Variants in KCNMA1 observed in about 807,000 individuals in gnomAD.
KCNMA1 encodes the protein potassium calcium-activated channel subfamily M alpha 1, also known as Calcium-activated potassium channel subunit alpha-1.
A neutral mutation model predicts 140.0 loss-of-function variants in KCNMA1; 29 were observed. That is an observed-to-expected ratio of 0.21 (90% CI 0.15 to 0.28). The LOEUF is 0.28. Ranked by LOEUF, KCNMA1 falls within the 10% of genes least tolerant of loss-of-function variation. The pLI is 1.00. For synonymous variants in KCNMA1, 612 were observed against 611.9 expected (o/e 1.00, Z 0.00); for missense variants, 880 against 1,602.2 (o/e 0.55, Z 7.70).
intron 20 of KCNMA1, among the ~76,000 whole-genome samples, chr10:76,961,183 GGGA>G (rs1438285879): frequency 6.6e-6 from 1 of 151,284 alleles, no homozygotes; most frequent in African/African-American, 2.4e-5. Context: ...CGTGATTCAT[GGGA>G]GGAGGTGAAA....
chr10:77,145,258 G>T (rs1233612802), intron 5 of KCNMA1, among the ~76,000 whole-genome samples: 1 of 152,118 alleles, frequency 6.6e-6, no homozygotes, highest in Non-Finnish European at 1.5e-5. Flanking sequence ...TTCCAACCCT[G>T]CCTCAAGTCT....
At chr10:77,100,251 C>T (rs1306483738) in intron 9 of KCNMA1, among the ~76,000 whole-genome samples, 1 of 152,158 alleles carries the variant, frequency 6.6e-6, no homozygotes. Flanking sequence ...TTTCCTAAGG[C>T]TGTTCTATAC....
rs545696225 is a variant in KCNMA1 at position 77,336,431 on chromosome 10, TA to T, written c.540+67430del. Among the ~76,000 whole-genome samples the T allele has an allele frequency of 3.1e-3, 375 of 119,750 alleles. 1 individual carries two copies. Among genetic ancestry groups the T allele is most frequent in the East Asian group, 7.1e-3 (31 of 4,384 alleles). The allele number at this position is 119,750 out of a possible 152,430, so 78.6% of individuals were successfully genotyped here. A position where few individuals can be genotyped will look rare whatever the true frequency, so the allele number is the denominator to read the frequency against. The stretch of plus-strand genomic sequence containing the variant: ...AGTAGTGAAAAATTAACTCAATGCT[TA>T]AAAAAAAAAAAGAAGATGAATGCAA... On this transcript the variant is annotated intron_variant, in intron 2 of 27. Transcript: ENST00000286628.
chr10:77,165,929 C>A (rs1304154639), intron 5 of KCNMA1, among the ~76,000 whole-genome samples: 1 of 152,172 alleles, frequency 6.6e-6, no homozygotes. Flanking sequence ...CACTAGGTGG[C>A]AGCACGTCAC....
chr10:76,992,097 C>T (rs573339310), intron 19 of KCNMA1, among the ~76,000 whole-genome samples: 49 of 152,230 alleles, frequency 3.2e-4, no homozygotes, highest in African/African-American at 1.1e-3. Context: ...ACTCATCTTG[C>T]GGTATTGAAG....
At chr10:77,311,367 C>T (rs984982916) in intron 2 of KCNMA1, among the ~76,000 whole-genome samples, 2 of 152,126 alleles carry the variant, frequency 1.3e-5, no homozygotes, top group Admixed American at 1.3e-4. Context: ...ATACTATAGG[C>T]TTGTTTCCAT....
chr10:77,233,774 C>A (rs1480264369), intron 3 of KCNMA1, among the ~76,000 whole-genome samples: 3 of 152,186 alleles, frequency 2.0e-5, no homozygotes, highest in Non-Finnish European at 4.4e-5. Context: ...ATTCGGAGGA[C>A]CGAAACAGCT....
chr10:77,051,482 TA>T (rs149487193), intron 14 of KCNMA1, among the ~76,000 whole-genome samples: 1,612 of 152,306 alleles, frequency 0.011, 14 homozygotes, highest in African/African-American at 0.037. Context: ...TCTTGTCAGT[TA>T]GAGAATATTT....
At position 77,019,002 on chromosome 10, in the gene KCNMA1, T is replaced by A; in HGVS notation, c.2015+11A>T. The stretch of plus-strand genomic sequence containing the variant: ...GGCCAGAAAGAAAGCCAGTTGAAAA[T>A]AAACTCTTACCTTTTAACTTCTTTG... On this transcript the variant is annotated intron_variant, in intron 17 of 27. Transcript: ENST00000286628. 1 of 1,498,302 alleles carries A rather than the reference T, an allele frequency of 6.7e-7. No individual in the cohort carries two copies. The highest frequency in any genetic ancestry group is 1.4e-5 in the African/African-American group (1 of 72,636). The allele number at this position is 1,498,302 out of a possible 1,614,324, so 92.8% of individuals were successfully genotyped here.
Position 77,108,201 on chromosome 10 carries a change from T to G in KCNMA1, c.1223+280A>C. 1 of 1,080,808 alleles carries G rather than the reference T, an allele frequency of 9.3e-7. No individual in the cohort carries two copies. The allele number at this position is 1,080,808 out of a possible 1,614,324, so 67.0% of individuals were successfully genotyped here. ...CCCTCACAGAAGCACCCGGTGGGGTTGGGGAGGGGCAGAATTCAGATGGCA... is the reference window on the plus strand; with the variant it reads ...CCCTCACAGAAGCACCCGGTGGGGTGGGGGAGGGGCAGAATTCAGATGGCA... On this transcript the variant is annotated intron_variant, in intron 9 of 27. Coordinates refer to ENST00000286628, the MANE Select transcript of KCNMA1 (RefSeq NM_001161352.2). This position sits in a 1 kb window ranked among gnomAD's most constrained non-coding sequence, Gnocchi z 4.6.
intron 25 of KCNMA1, among the ~76,000 whole-genome samples, chr10:76,892,238 A>G (rs751599445): frequency 2.0e-5 from 3 of 152,234 alleles, no homozygotes; most frequent in African/African-American, 4.8e-5. Flanking sequence ...TCTAACTCAG[A>G]AATCTCGATC....
intron 3 of KCNMA1, among the ~76,000 whole-genome samples, chr10:77,201,919 C>A (rs1201356954): frequency 6.6e-6 from 1 of 152,092 alleles, no homozygotes; most frequent in Non-Finnish European, 1.5e-5. Flanking sequence ...GATAACATAC[C>A]ATGCATGCCT....
chr10:76,897,941 A>G (rs2043298505), intron 25 of KCNMA1, among the ~76,000 whole-genome samples: 1 of 151,952 alleles, frequency 6.6e-6, no homozygotes, highest in African/African-American at 2.4e-5. Context: ...CATCTATAGA[A>G]TGGCTGGTAA....
At chr10:77,456,439 A>T (rs1310457404) in intron 1 of KCNMA1, among the ~76,000 whole-genome samples, 1 of 152,130 alleles carries the variant, frequency 6.6e-6, no homozygotes, top group East Asian at 1.9e-4. Context: ...CACTTATCAT[A>T]ATCAGAAATG....
intron 1 of KCNMA1, among the ~76,000 whole-genome samples, chr10:77,463,100 T>C (rs1039249939): frequency 6.6e-6 from 1 of 152,172 alleles, no homozygotes; most frequent in Admixed American, 6.5e-5. Flanking sequence ...GGCTGGACTT[T>C]ACAAGTAAAA....
At chr10:77,358,451 C>G (rs2093680107) in intron 2 of KCNMA1, among the ~76,000 whole-genome samples, 1 of 152,166 alleles carries the variant, frequency 6.6e-6, no homozygotes, top group Non-Finnish European at 1.5e-5. Context: ...TGATACCTCC[C>G]CACTCCCTCC....
At chr10:77,305,607 C>G (rs917472950) in intron 2 of KCNMA1, among the ~76,000 whole-genome samples, 1 of 152,100 alleles carries the variant, frequency 6.6e-6, no homozygotes, top group Non-Finnish European at 1.5e-5. Flanking sequence ...AAAGGACAGG[C>G]CTGAAGACTA....
At chr10:77,523,534 A>G (rs1237570444) in intron 1 of KCNMA1, among the ~76,000 whole-genome samples, 1 of 152,260 alleles carries the variant, frequency 6.6e-6, no homozygotes, top group East Asian at 1.9e-4. Flanking sequence ...TCAAGGGAAG[A>G]TGCTGGAGAA....
intron 2 of KCNMA1, among the ~76,000 whole-genome samples, chr10:77,389,583 G>A (rs145961195): frequency 5.8e-4 from 89 of 152,264 alleles, no homozygotes; most frequent in African/African-American, 1.9e-3. Context: ...GGGTCACCAC[G>A]TTTGATACCA....
Sources: allele counts gnomAD v4.1 joint callset (sites outside exome capture counted in the v4.1 genomes callset), GRCh38; gene constraint gnomAD v4.1.1; non-coding constraint Gnocchi (gnomAD v3.1); transcripts MANE v1.5; gene names NCBI Gene and HGNC (gene_info 2026-07-23, HGNC 2026-07-21).